Variants in PTPRM observed in about 807,000 individuals in gnomAD.
The protein encoded by PTPRM is protein tyrosine phosphatase receptor type M, also known as receptor-type tyrosine-protein phosphatase mu.
Under a neutral mutation model 186.7 loss-of-function variants are expected in PTPRM, and 47 were observed. That is an observed-to-expected ratio of 0.25 (90% CI 0.20 to 0.32). PTPRM has a LOEUF of 0.32. Ranked by LOEUF, PTPRM falls within the 10% of genes least tolerant of loss-of-function variation. The pLI is 1.00. For synonymous variants in PTPRM, 668 were observed against 674.9 expected (o/e 0.99, Z 0.16); for missense variants, 1,494 against 1,865.0 (o/e 0.80, Z 3.66).
rs2051914815 is a variant in PTPRM at position 7,937,751 on chromosome 18, A to T, written c.663+11068A>T. Among the ~76,000 whole-genome samples the T allele has an allele frequency of 2.6e-5, 4 of 152,354 alleles. No individual in the cohort carries two copies. The South Asian group carries it at 8.3e-4, about 32-fold the overall frequency. On this transcript the variant is annotated intron_variant, in intron 5 of 32. Transcript: ENST00000580170. The stretch of plus-strand genomic sequence containing the variant: ...TATCAGTCACTTACTGTCATCACCT[A>T]AAAGTGACCAAGGTAGTTATAATTA...
chr18:7,813,999 A>C (rs1409646974), intron 2 of PTPRM: 1 of 152,206 alleles, frequency 6.6e-6, no homozygotes, highest in Non-Finnish European at 1.5e-5. Flanking sequence ...ATACTTATTT[A>C]CTAAAGCATT....
intron 1 of PTPRM, among the ~76,000 whole-genome samples, chr18:7,609,519 C>CT (rs2037619549): frequency 7.3e-6 from 1 of 136,336 alleles, no homozygotes; most frequent in African/African-American, 3.2e-5. Flanking sequence ...CTGCCTGTCT[C>CT]CTTTTTTTTT....
intron 1 of PTPRM, among the ~76,000 whole-genome samples, chr18:7,620,738 G>C (rs1454597302): frequency 6.6e-6 from 1 of 152,130 alleles, no homozygotes; most frequent in Non-Finnish European, 1.5e-5. Flanking sequence ...CACTGAAGCA[G>C]CTCCAAGAAG....
At chr18:8,166,928 G>T (rs557257130) in intron 14 of PTPRM, among the ~76,000 whole-genome samples, 1 of 152,174 alleles carries the variant, frequency 6.6e-6, no homozygotes, top group Admixed American at 6.5e-5. Flanking sequence ...TGTTGAGCTG[G>T]AAAGAAAGCA....
chr18:7,574,219 C>T (rs530167756), intron 1 of PTPRM, among the ~76,000 whole-genome samples: 3 of 152,260 alleles, frequency 2.0e-5, no homozygotes, highest in Admixed American at 6.5e-5. Context: ...GTGATGTGAT[C>T]GTGTTGTCTC....
At chr18:8,188,629 C>A (rs2093672113) in intron 14 of PTPRM, among the ~76,000 whole-genome samples, 1 of 152,140 alleles carries the variant, frequency 6.6e-6, no homozygotes. Context: ...CAGCAAATGA[C>A]TTATTGGTGA....
At chr18:7,879,606 G>A (rs982344236) in intron 2 of PTPRM, among the ~76,000 whole-genome samples, 11 of 152,182 alleles carry the variant, frequency 7.2e-5, no homozygotes, top group Middle Eastern at 3.4e-3. Context: ...AAAAATGGCC[G>A]TTCAGTTGTG....
At chr18:7,867,679 A>G (rs2377580) in intron 2 of PTPRM, among the ~76,000 whole-genome samples, 66,720 of 151,884 alleles carry the variant, frequency 0.44, 17,773 homozygotes, top group African/African-American at 0.74. Context: ...ATGTGTCTTA[A>G]GGTTGCTCTT....
At chr18:8,242,705 GA>G (rs1459192116) in intron 14 of PTPRM, among the ~76,000 whole-genome samples, 2 of 152,224 alleles carry the variant, frequency 1.3e-5, no homozygotes, top group Non-Finnish European at 2.9e-5. Context: ...TTCAAAGTAT[GA>G]AATTAAAATA....
chr18:7,927,728 AATGTAAATCTGT>A (rs1281075195), intron 5 of PTPRM, among the ~76,000 whole-genome samples: 3 of 152,076 alleles, frequency 2.0e-5, no homozygotes, highest in Non-Finnish European at 4.4e-5. Flanking sequence ...TAATCACTGC[AATGTAAATCTGT>A]AGTCATTTGT....
chr18:8,358,137 C>CA (rs1555885272), intron 23 of PTPRM, among the ~76,000 whole-genome samples: 46 of 150,816 alleles, frequency 3.1e-4, no homozygotes, highest in Admixed American at 7.2e-4. Flanking sequence ...CTATTCCCCC[C>CA]CCCACACACA....
At chr18:7,828,373 T>C (rs1433735061) in intron 2 of PTPRM, among the ~76,000 whole-genome samples, 1 of 152,078 alleles carries the variant, frequency 6.6e-6, no homozygotes, top group Non-Finnish European at 1.5e-5. Flanking sequence ...TCATTTAACA[T>C]TAGGTATGTC....
intron 14 of PTPRM, among the ~76,000 whole-genome samples, chr18:8,181,545 C>A (rs564162568): frequency 1.3e-5 from 2 of 152,218 alleles, no homozygotes; most frequent in Non-Finnish European, 2.9e-5. Flanking sequence ...CCAGACTCCA[C>A]GGACCAAACA....
At chr18:7,578,550 T>A (rs536080726) in intron 1 of PTPRM, among the ~76,000 whole-genome samples, 2 of 152,134 alleles carry the variant, frequency 1.3e-5, no homozygotes, top group Non-Finnish European at 2.9e-5. Flanking sequence ...TTAGCCAGGA[T>A]GGTCTCGATC....
At chr18:7,803,989 A>G (rs2044106775) in intron 2 of PTPRM, among the ~76,000 whole-genome samples, 1 of 152,202 alleles carries the variant, frequency 6.6e-6, no homozygotes, top group Non-Finnish European at 1.5e-5. Flanking sequence ...ATATTGATCA[A>G]TATTTGGATG....
chr18:7,637,848 C>T (rs752411888), intron 1 of PTPRM, among the ~76,000 whole-genome samples: 2 of 152,264 alleles, frequency 1.3e-5, no homozygotes, highest in South Asian at 4.1e-4. Flanking sequence ...TGGTGCTTTT[C>T]CTTAATTTAA....
At chr18:8,351,194 C>G (rs987916327) in intron 23 of PTPRM, among the ~76,000 whole-genome samples, 1 of 152,198 alleles carries the variant, frequency 6.6e-6, no homozygotes, top group Admixed American at 6.5e-5. Context: ...GATTATTCAA[C>G]TGGCTATTTT....
chr18:7,913,351 G>A (rs1458352666), intron 4 of PTPRM, among the ~76,000 whole-genome samples: 1 of 152,054 alleles, frequency 6.6e-6, no homozygotes, highest in East Asian at 1.9e-4. Flanking sequence ...AGTTTGCCAT[G>A]GCTAAAACCT....
chr18:7,869,623 C>G (rs771020235), intron 2 of PTPRM, among the ~76,000 whole-genome samples: 2 of 134,946 alleles, frequency 1.5e-5, no homozygotes, highest in Non-Finnish European at 3.3e-5. Flanking sequence ...AAGCTGCAGA[C>G]CGGAGTTGTT....
Sources: gnomAD v4.1 joint callset for allele counts (sites outside exome capture counted in the v4.1 genomes callset) on GRCh38, gnomAD v4.1.1 for gene constraint, MANE v1.5 for transcripts, NCBI Gene and HGNC (gene_info 2026-07-23, HGNC 2026-07-21) for gene names.